Variants in CCSER2 observed in about 807,000 individuals in gnomAD.
CCSER2 encodes the protein serine-rich coiled-coil domain-containing protein 2.
CCSER2 carries 46 observed loss-of-function variants against 92.3 expected under a neutral mutation model. The ratio of observed to expected loss-of-function variants is 0.50; its 90% CI spans 0.39 to 0.64. The LOEUF is 0.64. Ranked by LOEUF, CCSER2 falls within the 30% of genes least tolerant of loss-of-function variation. CCSER2 has a pLI of 0.00. For missense variants in CCSER2, 1,244 were observed against 1,238.9 expected (o/e 1.00, Z -0.06); for synonymous variants, 433 against 431.4 (o/e 1.00, Z -0.04).
At chr10:84,451,756 A>G (rs927916635) in intron 6 of CCSER2, among the ~76,000 whole-genome samples, 1 of 152,230 alleles carries the variant, frequency 6.6e-6, no homozygotes, top group South Asian at 2.1e-4. Flanking sequence ...CTATTTATAT[A>G]TAACAACATT....
At chr10:84,503,042 G>C (rs1848849153) in intron 9 of CCSER2, among the ~76,000 whole-genome samples, 1 of 152,056 alleles carries the variant, frequency 6.6e-6, no homozygotes, top group Non-Finnish European at 1.5e-5. Flanking sequence ...GGTTAACACG[G>C]TGAAACCGCA....
intron 9 of CCSER2, among the ~76,000 whole-genome samples, chr10:84,487,561 G>A (rs530867663): frequency 2.0e-5 from 3 of 152,304 alleles, no homozygotes; most frequent in Non-Finnish European, 2.9e-5. Flanking sequence ...TGGTGTATAA[G>A]AATGCTTGTG....
intron 5 of CCSER2, among the ~76,000 whole-genome samples, chr10:84,436,550 G>C (rs774891109): frequency 1.4e-4 from 21 of 148,152 alleles, no homozygotes; most frequent in Non-Finnish European, 3.0e-4. Flanking sequence ...CAGAGGAATG[G>C]CATGAATCCC....
chr10:84,482,503 C>T (rs185205804), intron 9 of CCSER2, among the ~76,000 whole-genome samples: 2 of 152,262 alleles, frequency 1.3e-5, no homozygotes, highest in African/African-American at 4.8e-5. Flanking sequence ...TTATCTTGGA[C>T]TGAATTTATT....
intron 3 of CCSER2, among the ~76,000 whole-genome samples, chr10:84,386,932 A>T (rs1328148884): frequency 6.6e-6 from 1 of 152,188 alleles, no homozygotes; most frequent in Non-Finnish European, 1.5e-5. Flanking sequence ...TGGGGACTTC[A>T]GAAGTGGGGA....
intron 6 of CCSER2, among the ~76,000 whole-genome samples, chr10:84,440,007 G>C (rs1461218463): frequency 6.6e-6 from 1 of 152,050 alleles, no homozygotes; most frequent in African/African-American, 2.4e-5. Context: ...GCTGTACCAC[G>C]TACCATCTTT....
intron 6 of CCSER2, among the ~76,000 whole-genome samples, chr10:84,447,289 G>T (rs1390495822): frequency 1.3e-5 from 2 of 152,102 alleles, no homozygotes; most frequent in African/African-American, 4.8e-5. Context: ...TGTGTCATAT[G>T]GATAGAATAT....
chr10:84,388,268 A>G (rs909878571), intron 3 of CCSER2, among the ~76,000 whole-genome samples: 5 of 152,128 alleles, frequency 3.3e-5, no homozygotes, highest in Non-Finnish European at 2.9e-5. Flanking sequence ...TTTAGATTCT[A>G]TTGCTTTGGG....
At chr10:84,440,698 T>A (rs1231659475) in intron 6 of CCSER2, among the ~76,000 whole-genome samples, 76 of 152,246 alleles carry the variant, frequency 5.0e-4, no homozygotes, top group Admixed American at 5.0e-3. Flanking sequence ...ATATCTTTAA[T>A]TTACTTCCTA....
At chr10:84,370,728 G>A (rs1846017192) in intron 1 of CCSER2, among the ~76,000 whole-genome samples, 1 of 152,060 alleles carries the variant, frequency 6.6e-6, no homozygotes, top group African/African-American at 2.4e-5. Context: ...TACTCTGTAA[G>A]TATTATTTTT....
intron 1 of CCSER2, among the ~76,000 whole-genome samples, chr10:84,348,514 AAGGGCGAGGGCG>A (rs1039516107): frequency 2.0e-5 from 3 of 151,622 alleles, no homozygotes; most frequent in Non-Finnish European, 4.4e-5. Flanking sequence ...GGGAGAGGGC[AAGGGCGAGGGCG>A]AGGGCGAGGG....
chr10:84,332,412 TTA>T (rs1554828778), intron 1 of CCSER2, among the ~76,000 whole-genome samples: 3,466 of 81,502 alleles, frequency 0.043, 275 homozygotes, highest in Middle Eastern at 0.091. Context: ...ATTTATTTTT[TTA>T]TATATATATA....
chr10:84,469,838 T>A (rs1846669399), intron 7 of CCSER2, among the ~76,000 whole-genome samples: 1 of 152,064 alleles, frequency 6.6e-6, no homozygotes, highest in Non-Finnish European at 1.5e-5. Flanking sequence ...TCAAAGAATC[T>A]TCCTTGTTAC....
chr10:84,346,859 G>A (rs562144116), intron 1 of CCSER2, among the ~76,000 whole-genome samples: 1 of 152,004 alleles, frequency 6.6e-6, no homozygotes, highest in African/African-American at 2.4e-5. Flanking sequence ...TAGGACAATA[G>A]TGGAGGGAAG....
At chr10:84,382,125 T>A (rs1040294675) in intron 3 of CCSER2, among the ~76,000 whole-genome samples, 8 of 152,312 alleles carry the variant, frequency 5.3e-5, no homozygotes, top group Admixed American at 3.3e-4. Context: ...ATCTTAGTTG[T>A]TAATATTACT....
chr10:84,514,213 G>C lies in CCSER2; in HGVS notation c.3090G>C (p.Gly1030=), dbSNP rs1589854169. 1 of 1,536,390 alleles carries C rather than the reference G, an allele frequency of 6.5e-7. No homozygotes were observed. Among genetic ancestry groups the C allele is most frequent in the Admixed American group, 2.0e-5 (1 of 50,984 alleles). The change falls in exon 10 of 10, where the codon GGG becomes GGC. Residue 1030 remains glycine, a synonymous_variant. Transcript: ENST00000372088. ...ATCCAAATGGCAATTTGCATTCTGG[G>C]GATTGTTTGGCCTCTAATCGATATT... ...MQNPNGNLHS[G]DCLASNRYSR... is the part of the protein sequence containing the mutation.
chr10:84,443,324 AG>A (rs1360350408), intron 6 of CCSER2, among the ~76,000 whole-genome samples: 5 of 152,364 alleles, frequency 3.3e-5, no homozygotes, highest in African/African-American at 1.2e-4. Context: ...CCCATCAAAA[AG>A]TGGGCAAAGG....
chr10:84,498,690 A>T (rs1848575249), intron 9 of CCSER2, among the ~76,000 whole-genome samples: 1 of 152,216 alleles, frequency 6.6e-6, no homozygotes, highest in Admixed American at 6.5e-5. Context: ...GTCTGAAAAA[A>T]TATACATAAT....
chr10:84,371,330 T>C lies in CCSER2; in HGVS notation c.278T>C (p.Ile93Thr). The C allele has an allele frequency of 5.0e-6, 8 of 1,613,738 alleles. No individual in the cohort carries two copies. The highest frequency in any genetic ancestry group is 6.8e-6 in the Non-Finnish European group (8 of 1,179,848). Residue 93 changes from isoleucine to threonine, a missense_variant, in exon 2 of 10, where the codon ATT (isoleucine) becomes ACT (threonine). By Grantham distance (89) the Ile-to-Thr change is moderately conservative (BLOSUM62 -1). Transcript: ENST00000372088. ...ACTCAAAATTCACATGATAAAATAA[T>C]TGATCCTGAAAAACGTGTTCCTACT... is the stretch of plus-strand genomic sequence containing the variant. ...NNTQNSHDKIIDPEKRVPTQG... is the reference protein window; with the variant it reads ...NNTQNSHDKITDPEKRVPTQG...
Sources: allele counts gnomAD v4.1 joint callset (sites outside exome capture counted in the v4.1 genomes callset), GRCh38; gene constraint gnomAD v4.1.1; transcripts MANE v1.5; gene names NCBI Gene and HGNC (gene_info 2026-07-23, HGNC 2026-07-21).